The following TEX11 variants were observed in gnomAD, a reference collection of about 807,000 sequenced individuals.
The protein encoded by TEX11 is testis-expressed protein 11.
In TEX11, 7 loss-of-function variants were observed where a neutral mutation model predicts 84.4. That is an observed-to-expected ratio of 0.08 (90% confidence interval 0.05 to 0.16). The LOEUF is 0.16. Among genes scored for constraint, TEX11 ranks in the 10% least tolerant of loss-of-function variants. The probability of loss-of-function intolerance (pLI) is 1.00; values close to 1 mark genes in which losing one functional copy is unlikely to be tolerated. For missense variants in TEX11, 551 were observed against 660.5 expected (o/e 0.83, Z 1.82); for synonymous variants, 264 against 222.8 (o/e 1.18, Z -1.64).
At chrX:70,839,166 GAGATCT>G (rs1458810864) in intron 7 of TEX11, among the ~76,000 whole-genome samples, 3 of 112,194 alleles carry the variant, frequency 2.7e-5, no homozygotes, top group Middle Eastern at 4.6e-3. Context: ...CACGCAGCTT[GAGATCT>G]GGGAACGGGC....
intron 8 of TEX11, among the ~76,000 whole-genome samples, chrX:70,817,246 T>C (rs12848500): frequency 0.031 from 2,930 of 94,464 alleles, 50 homozygotes; most frequent in East Asian, 0.14. Context: ...CACACACACA[T>C]ATATATATAC....
intron 25 of TEX11, among the ~76,000 whole-genome samples, chrX:70,559,026 A>C (rs1356379785): frequency 8.9e-6 from 1 of 112,081 alleles, no homozygotes; most frequent in Non-Finnish European, 1.9e-5. Flanking sequence ...CAAATGATTA[A>C]ACATAGGGTT....
intron 18 of TEX11, among the ~76,000 whole-genome samples, chrX:70,627,201 G>A (rs1027722984): frequency 6.2e-5 from 7 of 112,208 alleles, no homozygotes; most frequent in Non-Finnish European, 1.3e-4. Flanking sequence ...GTAAATATAG[G>A]CAAATCTTTA....
At chrX:70,575,007 C>T (rs985920857) in intron 25 of TEX11, among the ~76,000 whole-genome samples, 2 of 110,654 alleles carry the variant, frequency 1.8e-5, no homozygotes, top group Non-Finnish European at 3.8e-5. Context: ...GGAGAGGTGG[C>T]GAGGAAGGTA....
chrX:70,901,297 C>G (rs1367658774), intron 2 of TEX11, among the ~76,000 whole-genome samples: 1 of 111,626 alleles, frequency 9.0e-6, no homozygotes, highest in African/African-American at 3.3e-5. Flanking sequence ...TCAGTCTTAG[C>G]TATATTATTA....
At chrX:70,595,764 G>A (rs1176450308) in intron 24 of TEX11, among the ~76,000 whole-genome samples, 1 of 111,394 alleles carries the variant, frequency 9.0e-6, no homozygotes, top group Non-Finnish European at 1.9e-5. Context: ...AAAGTAAAGT[G>A]GCATAAGTAA....
chrX:70,550,008 A>G (rs2088192174), intron 28 of TEX11, among the ~76,000 whole-genome samples: 1 of 112,833 alleles, frequency 8.9e-6, no homozygotes, highest in South Asian at 3.7e-4. Flanking sequence ...AGTGGCCACA[A>G]GGGTGCTTGT....
intron 9 of TEX11, among the ~76,000 whole-genome samples, chrX:70,773,392 C>A (rs796551329): frequency 9.1e-6 from 1 of 110,469 alleles, no homozygotes; most frequent in South Asian, 3.9e-4. Flanking sequence ...ATTCTACATG[C>A]TGAAAGAAAA....
intron 3 of TEX11, 21 bp from the exon 4 acceptor site, chrX:70,873,328 C>A (rs1028111988): frequency 1.9e-6 from 2 of 1,071,261 alleles, no homozygotes; most frequent in Admixed American, 2.2e-5. Context: ...AGAAACATTT[C>A]CTTAGTTAGT....
chrX:70,730,699 T>A (rs1421375434), intron 11 of TEX11, among the ~76,000 whole-genome samples: 1 of 111,270 alleles, frequency 9.0e-6, no homozygotes, highest in Non-Finnish European at 1.9e-5. Context: ...CACACAATAA[T>A]AATGGGAGAC....
Position 70,698,863 on chromosome X carries a change from G to A in TEX11, c.1005-16038C>T, listed in dbSNP as rs1473921581. 2.7e-5 allele frequency among the ~76,000 whole-genome samples: 3 copies of A among 111,712 alleles called. No homozygotes were observed. In the Admixed American group the frequency reaches 2.9e-4, roughly 11 times the overall value. On this transcript the variant is annotated intron_variant, in intron 13 of 29. Transcript: ENST00000374333. Reference sequence around the variant, plus strand: ...TTCCTACTTTGCATATCAAGATGGAGGTGGGGGCTAGTGTCTCTAGCCCAC... The same window carrying A: ...TTCCTACTTTGCATATCAAGATGGAAGTGGGGGCTAGTGTCTCTAGCCCAC...
At chrX:70,730,446 G>C (rs1189018252) in intron 11 of TEX11, among the ~76,000 whole-genome samples, 2 of 111,536 alleles carry the variant, frequency 1.8e-5, no homozygotes, top group Non-Finnish European at 3.8e-5. Flanking sequence ...CAAAATAAAG[G>C]GATGGAGGAA....
intron 9 of TEX11, among the ~76,000 whole-genome samples, 171 bp from the exon 10 acceptor site, chrX:70,744,390 T>C (rs986027770): frequency 3.7e-5 from 4 of 109,249 alleles, no homozygotes; most frequent in African/African-American, 9.9e-5. Context: ...GATATAATGA[T>C]ATAAAGCAAT....
At chrX:70,619,896 C>T in intron 20 of TEX11, among the ~76,000 whole-genome samples, 1 of 108,808 alleles carries the variant, frequency 9.2e-6, no homozygotes, top group Middle Eastern at 4.7e-3. Flanking sequence ...GCAAGCTCTG[C>T]CTCCCGGGTT....
intron 7 of TEX11, among the ~76,000 whole-genome samples, chrX:70,839,178 C>T (rs746021497): frequency 5.4e-5 from 6 of 112,046 alleles, no homozygotes; most frequent in African/African-American, 9.7e-5. Context: ...GATCTGGGAA[C>T]GGGCAGACTG....
chrX:70,533,580 G>A (rs931498322), intron 28 of TEX11, among the ~76,000 whole-genome samples: 1 of 111,288 alleles, frequency 9.0e-6, no homozygotes, highest in African/African-American at 3.3e-5. Context: ...GGTCAATAAC[G>A]AAGGCCAGGG....
intron 9 of TEX11, among the ~76,000 whole-genome samples, chrX:70,794,465 G>C (rs776051217): frequency 7.2e-5 from 8 of 110,487 alleles, no homozygotes; most frequent in Non-Finnish European, 1.1e-4. Flanking sequence ...AGTAAACTTA[G>C]GGGGCATGTG....
rs371739682 is a variant in TEX11, at chrX:70,811,919, G to T, written c.607-5129C>A. 9.0e-5 allele frequency among the ~76,000 whole-genome samples: 10 copies of T among 111,725 alleles called. No individual in the cohort carries two copies. The South Asian group carries it at 1.1e-3, about 13-fold the overall frequency. ...TTGTTTGAGTTCTTTGTAGATTCTG[G>T]GTATTTGCCCTTTGTCAGATAAGTA... On this transcript the variant is annotated intron_variant, in intron 8 of 29. Transcript: ENST00000374333.
intron 13 of TEX11, among the ~76,000 whole-genome samples, chrX:70,701,803 A>T (rs1226484111): frequency 1.8e-5 from 2 of 111,315 alleles, no homozygotes; most frequent in Non-Finnish European, 3.8e-5. Context: ...GAAGAAGTTG[A>T]CTCCAGTCGT....
Sources: allele counts gnomAD v4.1 joint callset (sites outside exome capture counted in the v4.1 genomes callset), GRCh38; gene constraint gnomAD v4.1.1; transcripts MANE v1.5; gene names NCBI Gene and HGNC (gene_info 2026-07-23, HGNC 2026-07-21).